The following NUP188 variants were observed in gnomAD, a reference collection of about 807,000 sequenced individuals.
NUP188 encodes nucleoporin NUP188.
In NUP188, 97 loss-of-function variants were observed where a neutral mutation model predicts 223.0. The ratio of observed to expected loss-of-function variants is 0.43; its 90% CI spans 0.37 to 0.51. NUP188 has a LOEUF of 0.51. Ranked by LOEUF, NUP188 falls within the 20% of genes least tolerant of loss-of-function variation. The probability of loss-of-function intolerance (pLI) is 0.00; values close to 1 mark genes in which losing one functional copy is unlikely to be tolerated. For missense variants in NUP188, 1,947 were observed against 2,175.6 expected (o/e 0.89, Z 2.09); for synonymous variants, 869 against 828.0 (o/e 1.05, Z -0.85).
chr9:128,998,257 C>T (rs901681885), intron 31 of NUP188, 29 bp downstream of exon 31: 3 of 1,577,364 alleles, frequency 1.9e-6, no homozygotes, highest in South Asian at 2.2e-5. Flanking sequence ...TTTTACATTT[C>T]TCCCAGGGAG....
intron 38 of NUP188, chr9:129,003,770 C>G: frequency 2.8e-6 from 1 of 363,294 alleles, no homozygotes; most frequent in Non-Finnish European, 5.1e-6. Flanking sequence ...GTCAGGAGTT[C>G]GAGATCAGCC....
At chr9:128,999,349 G>A in intron 33 of NUP188, 32 bp downstream of exon 33, 3 of 1,609,178 alleles carry the variant, frequency 1.9e-6, no homozygotes, top group Non-Finnish European at 2.5e-6. Context: ...AGCAGCAGCT[G>A]CAGTCTGCCC....
At position 128,968,732 on chromosome 9, in the gene NUP188, T is replaced by C. The variant is rs1468543328; in HGVS notation, c.797+15T>C. On this transcript the variant is annotated intron_variant, in intron 9 of 43. Transcript: ENST00000372577. ...GATCGGATTGGGTAAGTCAGTGAAT[T>C]GAACATCATGGAACTTGCAGTGTTT... The C allele has an allele frequency of 1.3e-6, 2 of 1,584,516 alleles. No homozygotes were observed. Among genetic ancestry groups the C allele is most frequent in the Non-Finnish European group, 1.7e-6 (2 of 1,153,318 alleles).
Position 128,958,833 on chromosome 9 carries a change from G to T in NUP188, c.404G>T (p.Cys135Phe). 1 of 1,597,282 alleles carries T rather than the reference G, an allele frequency of 6.3e-7. No homozygotes were observed. The highest frequency in any genetic ancestry group is 8.5e-7 in the Non-Finnish European group (1 of 1,169,866). The change falls in exon 7 of 44, where the codon TGT becomes TTT. Residue 135 changes from cysteine (C) to phenylalanine (F), a missense_variant. Coordinates refer to ENST00000372577, the MANE Select transcript of NUP188 (RefSeq NM_015354.3). ...IADYYYEERT[C>F]ILRCVLHLLT... ...GATTATTATTATGAAGAAAGAACCT[G>T]TATTCTTCGTTGTGTCTTACACCTT...
intron 8 of NUP188, among the ~76,000 whole-genome samples, chr9:128,961,466 G>C (rs909686378): frequency 6.6e-6 from 1 of 151,806 alleles, no homozygotes; most frequent in African/African-American, 2.4e-5. Flanking sequence ...GAGCCGAGAT[G>C]ACGCCAGTGC....
rs141910070 is a variant in NUP188, at chr9:128,995,327, T to C, written c.3164T>C (p.Leu1055Ser). 6.2e-7 allele frequency: 1 copy of C among 1,613,380 alleles called. No individual in the cohort carries two copies. Among genetic ancestry groups the C allele is most frequent in the African/African-American group, 1.3e-5 (1 of 74,922 alleles). ...TTTTCTTGACACTGTAGGGGTTCAT[T>C]AGACCAGTCATTAAAGGATACACTG... ...LEIYYVVKGSLDQSLKDTLKK... is the reference protein window; with the variant it reads ...LEIYYVVKGSSDQSLKDTLKK... The change falls in exon 30 of 44, where the codon TTA becomes TCA. Residue 1055 changes from leucine (L) to serine (S), a missense_variant. Transcript: ENST00000372577.
chr9:128,986,127 G>T (rs117697725), intron 20 of NUP188, among the ~76,000 whole-genome samples: 1 of 152,268 alleles, frequency 6.6e-6, no homozygotes, highest in East Asian at 1.9e-4. Context: ...GTAGAAGGAT[G>T]CTACAGTTAA....
chr9:128,994,982 C>A, intron 29 of NUP188, 59 bp downstream of exon 29: 1 of 1,279,634 alleles, frequency 7.8e-7, no homozygotes, highest in Non-Finnish European at 1.1e-6. Flanking sequence ...GAGTTGGTGG[C>A]CTACCACTGG....
intron 14 of NUP188, among the ~76,000 whole-genome samples, 176 bp downstream of exon 14, chr9:128,980,901 A>C (rs1842245135): frequency 6.6e-6 from 1 of 152,254 alleles, no homozygotes; most frequent in African/African-American, 2.4e-5. Flanking sequence ...TAATCTTTTC[A>C]TTAAGTACCT....
chr9:128,998,766 G>A, intron 32 of NUP188, 143 bp downstream of exon 32: 3 of 683,550 alleles, frequency 4.4e-6, no homozygotes, highest in Non-Finnish European at 7.8e-6. Flanking sequence ...CAGATAGGAG[G>A]GTGAGGCAGA....
At position 129,003,444 on chromosome 9, in the gene NUP188, G is replaced by A. The variant is rs753461471; in HGVS notation, c.4424G>A (p.Arg1475His). ...EWHFHLPQLM[R>H]DIQVNLGYLC... ...CACTTCCACCTGCCTCAGCTCATGC[G>A]TGATATCCAGGTGGGGGCCCAAGAT... The change falls in exon 38 of 44, where the codon CGT becomes CAT. Residue 1475 changes from arginine to histidine, a missense_variant. By Grantham distance (29) the Arg-to-His change is conservative. Transcript: ENST00000372577. 3.1e-6 allele frequency: 5 copies of A among 1,610,520 alleles called. No individual in the cohort carries two copies. Among genetic ancestry groups the A allele is most frequent in the African/African-American group, 1.3e-5 (1 of 75,036 alleles).
chr9:128,975,668 C>T (rs934350628), intron 12 of NUP188, among the ~76,000 whole-genome samples: 20 of 151,690 alleles, frequency 1.3e-4, no homozygotes, highest in African/African-American at 4.9e-4. Context: ...TACAGGTGTA[C>T]GCCACCACGT....
intron 12 of NUP188, among the ~76,000 whole-genome samples, chr9:128,977,142 C>T (rs1232845954): frequency 5.8e-5 from 8 of 136,790 alleles, no homozygotes; most frequent in Admixed American, 1.5e-4. Context: ...TTTTTTTAGA[C>T]GGAGTCTCGC....
At chr9:128,978,111 T>G (rs1010028270) in intron 12 of NUP188, among the ~76,000 whole-genome samples, 1 of 151,992 alleles carries the variant, frequency 6.6e-6, no homozygotes, top group African/African-American at 2.4e-5. Flanking sequence ...GTGGTACACT[T>G]CTGTAACCCA....
chr9:128,956,404 G>T lies in NUP188; in HGVS notation c.216G>T (p.Lys72Asn), dbSNP rs1305640825. 2 of 1,579,198 alleles carry T rather than the reference G, an allele frequency of 1.3e-6. No individual in the cohort carries two copies. Residue 72 changes from lysine (K) to asparagine (N), a missense_variant, in exon 4 of 44, where the codon AAG becomes AAT. Lys to Asn is a moderately conservative substitution (Grantham distance 94, BLOSUM62 0). Around this residue, in one of 3 missense-constraint regions of NUP188, gnomAD observed 817 missense variants for 865.8 expected, o/e 0.94. Transcript: ENST00000372577. ...KANKDVASPL[K>N]ELGLRISKFL... ...ATAAAGATGTAGCTTCACCATTGAAGGAACTGGGTTTAAGAATCAGCAAGT... is the reference window on the plus strand; with the variant it reads ...ATAAAGATGTAGCTTCACCATTGAATGAACTGGGTTTAAGAATCAGCAAGT...
At position 128,968,546 on chromosome 9, in the gene NUP188, G is replaced by A. The variant is rs181700778; in HGVS notation, c.626G>A (p.Arg209Gln). Residue 209 changes from arginine to glutamine, a missense_variant, in exon 9 of 44, where the codon CGG (arginine) becomes CAG (glutamine). By Grantham distance (43) the Arg-to-Gln change is conservative. Transcript: ENST00000372577. ...QVSRWFVQCL[R>Q]EQSMLLEIIF... is the part of the protein sequence containing the mutation. ...TCTCGCTGGTTTGTTCAGTGCCTTC[G>A]GGAACAGTCCATGCTGCTAGAAATT... The A allele has an allele frequency of 5.0e-5, 80 of 1,614,136 alleles. 1 individual carries two copies. Among genetic ancestry groups the A allele is most frequent in the Admixed American group, 6.7e-5 (4 of 60,008 alleles).
Position 128,984,124 on chromosome 9 carries a change from ATTTTT to A in NUP188, c.1961+589_1961+593del, listed in dbSNP as rs1193631566. Among the ~76,000 whole-genome samples, 2 of 93,068 alleles carry A rather than the reference ATTTTT, an allele frequency of 2.1e-5. 1 individual carries two copies. Among genetic ancestry groups the A allele is most frequent in the African/African-American group, 1.2e-4 (2 of 16,960 alleles). The allele number at this position is 93,068 out of a possible 152,430, so 61.1% of individuals were successfully genotyped here. A position where few individuals can be genotyped will look rare whatever the true frequency, so the allele number is the denominator to read the frequency against. Reference sequence around the variant, plus strand: ...GGCGTGAGCCACCGCGCCTGGCCTGATTTTTTTTTTTTTTTTTTTGAGATGGAGTT... The same window carrying A: ...GGCGTGAGCCACCGCGCCTGGCCTGATTTTTTTTTTTTTTGAGATGGAGTT... On this transcript the variant is annotated intron_variant, in intron 19 of 43. Coordinates refer to ENST00000372577, the MANE Select transcript of NUP188 (RefSeq NM_015354.3).
chr9:128,952,916 C>G, intron 3 of NUP188, 70 bp downstream of exon 3: 1 of 1,225,736 alleles, frequency 8.2e-7, no homozygotes, highest in Non-Finnish European at 1.2e-6. Context: ...AACCATCCTT[C>G]TATGTGCTTT....
Position 129,002,828 on chromosome 9 carries a change from C to G in NUP188, c.4149C>G (p.Ala1383=), listed in dbSNP as rs953320417. 2 of 1,613,892 alleles carry G rather than the reference C, an allele frequency of 1.2e-6. No homozygotes were observed. The highest frequency in any genetic ancestry group is 1.3e-5 in the African/African-American group (1 of 74,938). The change falls in exon 37 of 44, where the codon GCC becomes GCG. Residue 1383 remains alanine, a synonymous_variant. Coordinates refer to ENST00000372577, the MANE Select transcript of NUP188 (RefSeq NM_015354.3). ...STNGTAQTPS[A]SRKSLDAPSW... Reference sequence around the variant, plus strand: ...TGTTTGTATCTTAGACACCTAGTGCCTCTCGGAAGTCCCTGGATGCCCCCT... The same window carrying G: ...TGTTTGTATCTTAGACACCTAGTGCGTCTCGGAAGTCCCTGGATGCCCCCT...
Sources: gnomAD v4.1 joint callset for allele counts (sites outside exome capture counted in the v4.1 genomes callset) on GRCh38, gnomAD v4.1.1 for gene constraint, gnomAD v4.1.1 regional missense constraint, MANE v1.5 for transcripts, NCBI Gene and HGNC (gene_info 2026-07-23, HGNC 2026-07-21) for gene names.